Variants in NEK7 observed in about 807,000 individuals in gnomAD.
The protein encoded by NEK7 is NIMA related kinase 7, also known as serine/threonine-protein kinase Nek7.
Under a neutral mutation model 44.6 loss-of-function variants are expected in NEK7, and 18 were observed. The ratio of observed to expected loss-of-function variants is 0.40; its 90% confidence interval spans 0.28 to 0.60. NEK7 has a LOEUF of 0.60. Ranked by LOEUF, NEK7 falls within the 20% of genes least tolerant of loss-of-function variation. The pLI, the probability that NEK7 is intolerant of heterozygous loss-of-function variation, is 0.38. For synonymous variants in NEK7, 130 were observed against 121.1 expected, an observed-to-expected ratio of 1.07 and a Z score of -0.48; for missense variants, 256 against 366.5, an observed-to-expected ratio of 0.70 and a Z score of 2.46.
chr1:198,283,137 T>C (rs1196474859), intron 7 of NEK7, among the ~76,000 whole-genome samples: 1 of 152,092 alleles, frequency 6.6e-6, no homozygotes, highest in Non-Finnish European at 1.5e-5. Flanking sequence ...TGGAACTGAG[T>C]GAAGAAAAGA....
At chr1:198,312,804 T>A (rs1243719172) in intron 9 of NEK7, among the ~76,000 whole-genome samples, 2 of 151,818 alleles carry the variant, frequency 1.3e-5, no homozygotes, top group Non-Finnish European at 2.9e-5. Flanking sequence ...GTCTGAGAGA[T>A]AGTTTGTTAT....
At chr1:198,287,776 A>G (rs1348625287) in intron 7 of NEK7, among the ~76,000 whole-genome samples, 1 of 151,946 alleles carries the variant, frequency 6.6e-6, no homozygotes. Flanking sequence ...CTTGTGCTAA[A>G]CAAATATTTG....
chr1:198,185,317 G>A (rs1664888361), intron 1 of NEK7, among the ~76,000 whole-genome samples: 1 of 147,316 alleles, frequency 6.8e-6, no homozygotes, highest in African/African-American at 2.5e-5. Flanking sequence ...GCAGATATTT[G>A]CGTTTTTAAA....
intron 1 of NEK7, among the ~76,000 whole-genome samples, chr1:198,164,707 T>A (rs1664213747): frequency 6.6e-6 from 1 of 152,196 alleles, no homozygotes; most frequent in Non-Finnish European, 1.5e-5. Flanking sequence ...GGGTCTTACC[T>A]CAATGTTGAT....
intron 1 of NEK7, among the ~76,000 whole-genome samples, chr1:198,214,406 T>C (rs903713324): frequency 3.3e-5 from 5 of 152,060 alleles, no homozygotes; most frequent in African/African-American, 1.2e-4. Flanking sequence ...AAGAGAGAGA[T>C]GCAAACCAAC....
chr1:198,265,438 A>G (rs1051270391), intron 5 of NEK7, among the ~76,000 whole-genome samples: 6 of 152,168 alleles, frequency 3.9e-5, no homozygotes, highest in African/African-American at 1.4e-4. Flanking sequence ...ATTAAAAGCA[A>G]GCAAAGGAAT....
At chr1:198,231,170 G>A (rs1666376995) in intron 1 of NEK7, among the ~76,000 whole-genome samples, 1 of 150,744 alleles carries the variant, frequency 6.6e-6, no homozygotes, top group Non-Finnish European at 1.5e-5. Flanking sequence ...GTACAGTGTA[G>A]TAGGTACACT....
At chr1:198,307,203 A>G (rs1047776346) in intron 9 of NEK7, among the ~76,000 whole-genome samples, 1 of 152,156 alleles carries the variant, frequency 6.6e-6, no homozygotes, top group African/African-American at 2.4e-5. Flanking sequence ...TATACTATTA[A>G]TAGTTCCTCA....
intron 5 of NEK7, among the ~76,000 whole-genome samples, chr1:198,270,801 T>C (rs1199132053): frequency 3.3e-5 from 5 of 152,106 alleles, no homozygotes; most frequent in African/African-American, 1.2e-4. Flanking sequence ...ACTACAAATT[T>C]AGCAGCTTTA....
intron 2 of NEK7, among the ~76,000 whole-genome samples, chr1:198,234,619 G>A (rs1271762543): frequency 2.6e-5 from 4 of 152,160 alleles, no homozygotes; most frequent in African/African-American, 9.7e-5. Context: ...CAGTAGGAAG[G>A]AAAAATAAAA....
chr1:198,170,915 G>A (rs886206619), intron 1 of NEK7, among the ~76,000 whole-genome samples: 9 of 146,802 alleles, frequency 6.1e-5, no homozygotes, highest in Admixed American at 2.8e-4. Flanking sequence ...GACCTCAAAC[G>A]TAGATTTCTT....
chr1:198,262,665 A>T, intron 4 of NEK7, 28 bp downstream of exon 4: 8 of 1,364,006 alleles, frequency 5.9e-6, no homozygotes, highest in Non-Finnish European at 8.2e-6. Flanking sequence ...GACTCTTTTG[A>T]ACATAACATG....
chr1:198,175,563 A>G (rs948990691), intron 1 of NEK7, among the ~76,000 whole-genome samples: 1 of 152,160 alleles, frequency 6.6e-6, no homozygotes, highest in Non-Finnish European at 1.5e-5. Flanking sequence ...TCTTTAAATC[A>G]GTTTGGTTGT....
intron 1 of NEK7, among the ~76,000 whole-genome samples, chr1:198,187,506 T>C (rs1664955805): frequency 6.6e-6 from 1 of 152,162 alleles, no homozygotes; most frequent in East Asian, 1.9e-4. Context: ...GTAAATCTGT[T>C]TTGGAACCTG....
chr1:198,229,932 C>T (rs527663139), intron 1 of NEK7, among the ~76,000 whole-genome samples: 1 of 152,084 alleles, frequency 6.6e-6, no homozygotes, highest in African/African-American at 2.4e-5. Context: ...TATAGCAAAA[C>T]CACTTTATTA....
chr1:198,263,856 A>T (rs1361860056), intron 4 of NEK7, among the ~76,000 whole-genome samples: 3 of 151,972 alleles, frequency 2.0e-5, no homozygotes, highest in Admixed American at 1.3e-4. Context: ...TGATATGCTT[A>T]TTGGGCATAG....
intron 5 of NEK7, among the ~76,000 whole-genome samples, chr1:198,274,515 T>C (rs546614784): frequency 6.6e-6 from 1 of 151,928 alleles, no homozygotes; most frequent in East Asian, 1.9e-4. Flanking sequence ...AACTTTATGC[T>C]TAAATGTTTT....
intron 1 of NEK7, among the ~76,000 whole-genome samples, chr1:198,231,778 G>A (rs1226090887): frequency 6.6e-6 from 1 of 151,972 alleles, no homozygotes; most frequent in Non-Finnish European, 1.5e-5. Context: ...TTTTTAAAGA[G>A]TATGATGAAG....
At chr1:198,218,457 C>G (rs574422667) in intron 1 of NEK7, among the ~76,000 whole-genome samples, 1 of 151,916 alleles carries the variant, frequency 6.6e-6, no homozygotes, top group South Asian at 2.1e-4. Context: ...AGACCTGAAA[C>G]TATAAAAATT....
Sources: allele counts gnomAD v4.1 joint callset (sites outside exome capture counted in the v4.1 genomes callset), GRCh38; gene constraint gnomAD v4.1.1; transcripts MANE v1.5; gene names NCBI Gene and HGNC (gene_info 2026-07-23, HGNC 2026-07-21).